Variants in SYNM observed in about 807,000 individuals in gnomAD.
The protein encoded by SYNM is synemin, also known as desmuslin.
SYNM carries 95 observed loss-of-function variants against 104.0 expected under a neutral mutation model. The observed-to-expected ratio is 0.91, with a 90% CI of 0.77 to 1.08. The LOEUF is 1.08. SYNM is among the 50% of genes least tolerant of loss of function. The pLI is 0.00. For synonymous variants in SYNM, 918 were observed against 869.0 expected, an observed-to-expected ratio of 1.06 and a Z score of -0.99; for missense variants, 2,150 against 2,052.2, an observed-to-expected ratio of 1.05 and a Z score of -0.92.
At chr15:99,126,609 T>A in intron 2 of SYNM, 113 bp from the exon 3 acceptor site, 1 of 1,051,900 alleles carries the variant, frequency 9.5e-7, no homozygotes, top group Non-Finnish European at 1.4e-6. Context: ...CAGGTAGAAG[T>A]CCTAAAACAG....
In SYNM at chr15:99,105,903, A is replaced by C. The variant is rs200549249; in HGVS notation, c.704A>C (p.Glu235Ala). 31 of 1,534,898 alleles carry C rather than the reference A, an allele frequency of 2.0e-5. No homozygotes were observed. Among genetic ancestry groups the C allele is most frequent in the Non-Finnish European group, 2.3e-5 (26 of 1,144,920 alleles). The change falls in exon 1 of 4, where the codon GAG becomes GCG. Residue 235 changes from glutamate to alanine, a missense_variant. Physicochemically the swap from Glu to Ala is moderately radical, Grantham distance 107 (BLOSUM62 -1). Transcript: ENST00000336292. ...ACGCGGCTGTGCGCGCAGGAGGCAG[A>C]GGCGCTGCGGCGCGAGGCGCTCGGG... The part of the protein sequence containing the change: ...EETRLCAQEA[E>A]ALRREALGLE...
chr15:99,125,847 G>A (rs1567280894), intron 2 of SYNM, among the ~76,000 whole-genome samples: 2 of 152,194 alleles, frequency 1.3e-5, no homozygotes, highest in African/African-American at 2.4e-5. Context: ...AGGGGTCTTC[G>A]CGAGTGACTG....
Position 99,130,465 on chromosome 15 carries a change from C to T in SYNM, c.2105C>T (p.Ala702Val). 6.2e-7 allele frequency: 1 copy of T among 1,613,848 alleles called. No individual in the cohort carries two copies. Among genetic ancestry groups the T allele is most frequent in the Admixed American group, 1.7e-5 (1 of 60,016 alleles). The change falls in exon 4 of 4, where the codon GCT becomes GTT. Residue 702 changes from alanine (A) to valine (V), a missense_variant. Transcript: ENST00000336292. ...LTEDVDVSDE[A>V]GLDYLLSKDI... is the part of the protein sequence containing the mutation. ...GAGGATGTTGATGTTTCCGATGAAG[C>T]TGGCCTGGACTACCTTTTAAGCAAG...
intron 1 of SYNM, among the ~76,000 whole-genome samples, chr15:99,106,735 A>G (rs1304239892): frequency 2.6e-5 from 4 of 152,114 alleles, no homozygotes; most frequent in Non-Finnish European, 4.4e-5. Context: ...ACCCTCTGAC[A>G]CCGGCGGGGT....
In SYNM at chr15:99,131,483, G is replaced by A; in HGVS notation, c.3123G>A (p.Arg1041=). 1 of 1,606,302 alleles carries A rather than the reference G, an allele frequency of 6.2e-7. No individual in the cohort carries two copies. The highest frequency in any genetic ancestry group is 8.5e-7 in the Non-Finnish European group (1 of 1,179,416). The part of the protein sequence containing the change: ...VESVVRESLS[R]QRSPAPGSPD... Reference sequence around the variant, plus strand: ...CGGTGGTTCGGGAGAGCCTGAGCAGGCAACGCAGCCCAGCGCCTGGCAGCC... The same window carrying A: ...CGGTGGTTCGGGAGAGCCTGAGCAGACAACGCAGCCCAGCGCCTGGCAGCC... Residue 1041 remains arginine, a synonymous_variant, in exon 4 of 4, where the codon AGG becomes AGA. Coordinates refer to ENST00000336292, the MANE Select transcript of SYNM (RefSeq NM_145728.3). This position sits in a 1 kb window ranked among gnomAD's most constrained non-coding sequence, Gnocchi z 4.3.
rs887556955 is a variant in SYNM at position 99,131,957 on chromosome 15, A to T, written c.3597A>T (p.Ala1199=). ...FLGPAPACPE[A]WGSPEPGPAE... is the part of the protein sequence containing the mutation. ...GCCCTGCCCCTGCCTGTCCAGAGGC[A>T]TGGGGCTCGCCAGAACCTGGCCCAG... The change falls in exon 4 of 4, where the codon GCA becomes GCT. Residue 1199 remains alanine (A), a synonymous_variant. Coordinates refer to ENST00000336292, the MANE Select transcript of SYNM (RefSeq NM_145728.3). The surrounding 1 kb of genome is among the most constrained non-coding windows in gnomAD (Gnocchi z 4.3). 8.7e-6 allele frequency: 14 copies of T among 1,613,672 alleles called. No homozygotes were observed. Among genetic ancestry groups the T allele is most frequent in the Middle Eastern group, 1.7e-4 (1 of 6,012 alleles).
chr15:99,112,156 G>A (rs889831816), intron 1 of SYNM, among the ~76,000 whole-genome samples: 5 of 152,226 alleles, frequency 3.3e-5, no homozygotes, highest in African/African-American at 4.8e-5. Flanking sequence ...CTTGCCGGGT[G>A]CCTTTGGTGA....
chr15:99,122,993 T>C (rs1171816908), intron 2 of SYNM, among the ~76,000 whole-genome samples: 1 of 152,172 alleles, frequency 6.6e-6, no homozygotes, highest in Non-Finnish European at 1.5e-5. Context: ...TGGAAATCAG[T>C]TTTCTTTGGA....
In SYNM at chr15:99,105,336, G is replaced by A. The variant is rs1555482362; in HGVS notation, c.137G>A (p.Arg46Gln). 6.5e-7 allele frequency: 1 copy of A among 1,540,332 alleles called. No homozygotes were observed. The highest frequency in any genetic ancestry group is 8.7e-7 in the Non-Finnish European group (1 of 1,145,622). Residue 46 changes from arginine to glutamine, a missense_variant, in exon 1 of 4, where the codon CGG (arginine) becomes CAG (glutamine). Physicochemically the swap from Arg to Gln is conservative, Grantham distance 43. Transcript: ENST00000336292. The part of the protein sequence containing the change: ...NLLLEEELRG[R>Q]RGREGLWAEG... Reference sequence around the variant, plus strand: ...CTCCTGGAGGAGGAGCTGCGCGGCCGGCGCGGGCGAGAGGGCCTGTGGGCC... The same window carrying A: ...CTCCTGGAGGAGGAGCTGCGCGGCCAGCGCGGGCGAGAGGGCCTGTGGGCC...
Position 99,131,182 on chromosome 15 carries a change from C to T in SYNM, c.2822C>T (p.Ser941Phe). ...TTCCACACCTCCATGAAGGGCATCTCCTCCAAGGAGCCCCGGCAGCAGCTG... is the reference window on the plus strand; with the variant it reads ...TTCCACACCTCCATGAAGGGCATCTTCTCCAAGGAGCCCCGGCAGCAGCTG... The part of the protein sequence containing the change: ...HEFHTSMKGI[S>F]SKEPRQQLVE... The change falls in exon 4 of 4, where the codon TCC becomes TTC. Residue 941 changes from serine to phenylalanine, a missense_variant. Transcript: ENST00000336292. The surrounding 1 kb of genome is among the most constrained non-coding windows in gnomAD (Gnocchi z 4.3). 2 of 1,607,202 alleles carry T rather than the reference C, an allele frequency of 1.2e-6. No homozygotes were observed. Among genetic ancestry groups the T allele is most frequent in the African/African-American group, 1.3e-5 (1 of 74,940 alleles).
chr15:99,132,555 A>C lies in SYNM; in HGVS notation c.4195A>C (p.Arg1399=). The C allele has an allele frequency of 6.2e-7, 1 of 1,614,100 alleles. No homozygotes were observed. Among genetic ancestry groups the C allele is most frequent in the Non-Finnish European group, 8.5e-7 (1 of 1,179,916 alleles). The change falls in exon 4 of 4, where the codon AGA becomes CGA. Residue 1399 remains arginine (R), a synonymous_variant. Transcript: ENST00000336292. ...SGAEMTSGVS[R]SFRHIRLGPT... ...GGCAGAAATGACATCGGGTGTTAGC[A>C]GATCCTTTAGGCACATTCGACTAGG...
At chr15:99,110,432 C>A (rs1555483288) in intron 1 of SYNM, among the ~76,000 whole-genome samples, 1 of 152,274 alleles carries the variant, frequency 6.6e-6, no homozygotes, top group African/African-American at 2.4e-5. Flanking sequence ...GCTTCTTACA[C>A]ACCCACCTGG....
intron 1 of SYNM, among the ~76,000 whole-genome samples, 191 bp from the exon 2 acceptor site, chr15:99,113,400 C>T (rs1555483602): frequency 6.6e-6 from 1 of 152,224 alleles, no homozygotes; most frequent in African/African-American, 2.4e-5. Flanking sequence ...CAATAAAAAA[C>T]TTCCATATGG....
downstream of SYNM, chr15:99,139,127 T>C: frequency 1.3e-6 from 1 of 749,992 alleles, no homozygotes; most frequent in East Asian, 2.7e-5. Flanking sequence ...GATGAATTAT[T>C]TTTAAATACC....
In SYNM at chr15:99,132,826, C is replaced by T. The variant is rs369253322; in HGVS notation, c.4466C>T (p.Ser1489Phe). ...AGALGVSDRG[S>F]WRDADSRNDQ... is the part of the protein sequence containing the mutation. ...GCTCTCGGTGTGTCTGACCGTGGTT[C>T]CTGGAGAGACGCGGACAGTAGGAAT... The change falls in exon 4 of 4, where the codon TCC (serine) becomes TTC (phenylalanine). Residue 1489 changes from serine (S) to phenylalanine (F), a missense_variant. Physicochemically the swap from Ser to Phe is radical, Grantham distance 155. Coordinates refer to ENST00000336292, the MANE Select transcript of SYNM (RefSeq NM_145728.3). 4 of 1,613,062 alleles carry T rather than the reference C, an allele frequency of 2.5e-6. No individual in the cohort carries two copies. In the East Asian group the frequency reaches 6.7e-5, roughly 27 times the overall value.
rs572999391 is a variant in SYNM at position 99,132,761 on chromosome 15, T to C, written c.4401T>C (p.Ser1467=). The change falls in exon 4 of 4, where the codon AGT becomes AGC. Residue 1467 remains serine, a synonymous_variant. Transcript: ENST00000336292. ...CGTTTACCTTTCAGATGGATGTGAG[T>C]AACGTAGAGGCGATCCGCAGCCGGA... ...ETSFTFQMDV[S]NVEAIRSRTQ... 1.9e-6 allele frequency: 3 copies of C among 1,613,528 alleles called. No homozygotes were observed. Among genetic ancestry groups the C allele is most frequent in the Non-Finnish European group, 2.5e-6 (3 of 1,179,792 alleles).
rs1461479467 is a variant in SYNM, at chr15:99,132,938, T to A, written c.4578T>A (p.Phe1526Leu). The change falls in exon 4 of 4, where the codon TTT becomes TTA. Residue 1526 changes from phenylalanine (F) to leucine (L), a missense_variant. Phe to Leu is a conservative substitution (Grantham distance 22). Coordinates refer to ENST00000336292, the MANE Select transcript of SYNM (RefSeq NM_145728.3). ...HREQGKEQAMFDKKVQLQRMV... is the reference protein window; with the variant it reads ...HREQGKEQAMLDKKVQLQRMV... The stretch of plus-strand genomic sequence containing the variant: ...AACAGGGCAAGGAGCAGGCCATGTT[T>A]GATAAGAAGGTGCAGCTCCAGAGAA... 6.2e-6 allele frequency: 10 copies of A among 1,613,260 alleles called. No individual in the cohort carries two copies. Among genetic ancestry groups the A allele is most frequent in the African/African-American group, 1.3e-5 (1 of 74,730 alleles).
At chr15:99,122,352 C>T (rs2067408920) in intron 2 of SYNM, among the ~76,000 whole-genome samples, 1 of 152,180 alleles carries the variant, frequency 6.6e-6, no homozygotes, top group Admixed American at 6.5e-5. Flanking sequence ...TTTTTTAGGC[C>T]ACCTGTACCT....
At position 99,105,921 on chromosome 15, in the gene SYNM, C is replaced by T; in HGVS notation, c.722C>T (p.Ala241Val). ...AQEAEALRRE[A>V]LGLEQLRARL... ...GAGGCAGAGGCGCTGCGGCGCGAGGCGCTCGGGTTGGAGCAGCTGCGCGCG... is the reference window on the plus strand; with the variant it reads ...GAGGCAGAGGCGCTGCGGCGCGAGGTGCTCGGGTTGGAGCAGCTGCGCGCG... The change falls in exon 1 of 4, where the codon GCG (alanine) becomes GTG (valine). Residue 241 changes from alanine (A) to valine (V), a missense_variant. Transcript: ENST00000336292. 6.5e-7 allele frequency: 1 copy of T among 1,530,544 alleles called. No homozygotes were observed. Among genetic ancestry groups the T allele is most frequent in the Non-Finnish European group, 8.7e-7 (1 of 1,143,864 alleles). 94.8% of individuals were successfully genotyped at this position (1,530,544 alleles called of 1,614,324 possible). A position where few individuals can be genotyped will look rare whatever the true frequency, so the allele number is the denominator to read the frequency against.
Sources: allele counts gnomAD v4.1 joint callset (sites outside exome capture counted in the v4.1 genomes callset), GRCh38; gene constraint gnomAD v4.1.1; non-coding constraint Gnocchi (gnomAD v3.1); transcripts MANE v1.5; gene names NCBI Gene and HGNC (gene_info 2026-07-23, HGNC 2026-07-21).